Variants in CDK4 observed in about 807,000 individuals in gnomAD.
The protein encoded by CDK4 is cyclin dependent kinase 4, also known as cyclin-dependent kinase 4.
In CDK4, 13 loss-of-function variants were observed where a neutral mutation model predicts 36.7. The observed-to-expected ratio is 0.35, with a 90% CI of 0.23 to 0.56. The LOEUF (loss-of-function observed/expected upper bound fraction) is 0.56. CDK4 is among the 20% of genes least tolerant of loss of function. The probability of loss-of-function intolerance (pLI) is 0.85; values close to 1 mark genes in which losing one functional copy is unlikely to be tolerated. For synonymous variants in CDK4, 158 were observed against 146.4 expected (o/e 1.08, Z -0.57); for missense variants, 285 against 387.3 (o/e 0.74, Z 2.22).
chr12:57,749,994 T>G, intron 5 of CDK4: 1 of 128,314 alleles, frequency 7.8e-6, no homozygotes, highest in Non-Finnish European at 1.6e-5. Context: ...AGACTCCATC[T>G]AAAAAAAAAA....
chr12:57,749,238 G>A lies in CDK4; in HGVS notation c.763C>T (p.Arg255Cys), dbSNP rs587778188. Residue 255 changes from arginine (R) to cysteine (C), a missense_variant, in exon 7 of 8, where the codon CGC (arginine) becomes TGC (cysteine). Arg to Cys is a radical substitution (Grantham distance 180). Transcript: ENST00000257904. ...TCAGGTACCACCGACTGCACTGGGC[G>A]GGGCCCTCTGGGGGGAAAGGCTCCA... ...PRGAFPPRGP[R>C]PVQSVVPEME... 2.2e-5 allele frequency: 35 copies of A among 1,614,022 alleles called. No individual in the cohort carries two copies. The East Asian group carries it at 5.8e-4, about 27-fold the overall frequency.
intron 7 of CDK4, 84 bp from the exon 8 acceptor site, chr12:57,748,701 CT>C (rs749693650): frequency 1.3e-4 from 111 of 827,022 alleles, no homozygotes; most frequent in Non-Finnish European, 2.1e-4. Flanking sequence ...GAGCTTTCTT[CT>C]TTTTTCTTTT....
Position 57,751,268 on chromosome 12 carries a change from T to C in CDK4, c.293A>G (p.Gln98Arg). ...CTTGTCCAGATATGTCCTTAGGTCC[T>C]GGTCTACATGCTCAAACACCAGGGT... Reference protein sequence around the residue: ...KVTLVFEHVDQDLRTYLDKAP... With the variant: ...KVTLVFEHVDRDLRTYLDKAP... The change falls in exon 3 of 8, where the codon CAG (glutamine) becomes CGG (arginine). Residue 98 changes from glutamine to arginine, a missense_variant. Transcript: ENST00000257904. The surrounding 1 kb of genome is among the most constrained non-coding windows in gnomAD (Gnocchi z 4.5). The C allele has an allele frequency of 6.2e-7, 1 of 1,614,214 alleles. No homozygotes were observed. The highest frequency in any genetic ancestry group is 8.5e-7 in the Non-Finnish European group (1 of 1,180,022).
At chr12:57,750,612 G>A (rs777645271) in intron 5 of CDK4, 44 bp downstream of exon 5, 26 of 1,322,222 alleles carry the variant, frequency 2.0e-5, no homozygotes, top group Admixed American at 1.8e-4. Context: ...ATGAACAAGC[G>A]ATTTGGGGAA....
In CDK4 at chr12:57,749,299, T is replaced by C; in HGVS notation, c.702A>G (p.Pro234=). 6.2e-7 allele frequency: 1 copy of C among 1,614,230 alleles called. No individual in the cohort carries two copies. The highest frequency in any genetic ancestry group is 1.3e-5 in the African/African-American group (1 of 75,070). Residue 234 remains proline, a synonymous_variant, in exon 7 of 8, where the codon CCA becomes CCG. Coordinates refer to ENST00000257904, the MANE Select transcript of CDK4 (RefSeq NM_000075.4). ...ATACATCTCGAGGCCAGTCATCCTCTGGAGGCAGCCCAATCAGGCTGTGGG... is the reference window on the plus strand; with the variant it reads ...ATACATCTCGAGGCCAGTCATCCTCCGGAGGCAGCCCAATCAGGCTGTGGG... ...GKIFDLIGLP[P]EDDWPRDVSL...
intron 7 of CDK4, chr12:57,748,926 G>A (rs1268129762): frequency 2.3e-5 from 13 of 567,428 alleles, no homozygotes; most frequent in African/African-American, 3.8e-5. Context: ...GGCTGGTCTC[G>A]AACTCCTGAC....
chr12:57,749,799 C>T (rs919805952), intron 5 of CDK4: 1 of 458,832 alleles, frequency 2.2e-6, no homozygotes, highest in Non-Finnish European at 4.0e-6. Flanking sequence ...GAGATCGAGA[C>T]CATCCTGGCC....
At chr12:57,750,342 G>A (rs1234887081) in intron 5 of CDK4, 1 of 374,074 alleles carries the variant, frequency 2.7e-6, no homozygotes, top group East Asian at 6.1e-5. Flanking sequence ...GGGGTGGGAG[G>A]ATTGCTTGAG....
At chr12:57,750,330 T>C in intron 5 of CDK4, 1 of 353,282 alleles carries the variant, frequency 2.8e-6, no homozygotes, top group South Asian at 2.4e-5. Context: ...CTTTGGGAGG[T>C]AGGGGTGGGA....
Position 57,748,206 on chromosome 12 carries a change from CA to C in CDK4, c.*318del, listed in dbSNP as rs1161024667. ...CAAATCGCACAATGGCAAAGCCAAA[CA>C]GAGGAAGAAACATTAAAAAAAAAAA... On this transcript the variant is annotated 3_prime_UTR_variant, in exon 8 of 8. Transcript: ENST00000257904. 7 of 364,076 alleles carry C rather than the reference CA, an allele frequency of 1.9e-5. No homozygotes were observed. Among genetic ancestry groups the C allele is most frequent in the Non-Finnish European group, 3.5e-5 (7 of 197,866 alleles). 22.6% of individuals were successfully genotyped at this position (364,076 alleles called of 1,614,324 possible).
Position 57,749,467 on chromosome 12 carries a change from C to G in CDK4, c.670G>C (p.Gly224Arg), listed in dbSNP as rs1555201123. Residue 224 changes from glycine (G) to arginine (R), a missense_variant, in exon 6 of 8, where the codon GGC (glycine) becomes CGC (arginine). Physicochemically the swap from Gly to Arg is moderately radical, Grantham distance 125. Transcript: ENST00000257904. ...TTGGTCACTTACTCAAAGATTTTGCCCAACTGGTCGGCTTCAGAGTTTCCA... is the reference window on the plus strand; with the variant it reads ...TTGGTCACTTACTCAAAGATTTTGCGCAACTGGTCGGCTTCAGAGTTTCCA... ...FCGNSEADQLGKIFDLIGLPP... is the reference protein window; with the variant it reads ...FCGNSEADQLRKIFDLIGLPP... 2 of 1,614,140 alleles carry G rather than the reference C, an allele frequency of 1.2e-6. No homozygotes were observed. Among genetic ancestry groups the G allele is most frequent in the Non-Finnish European group, 1.7e-6 (2 of 1,180,004 alleles).
chr12:57,751,366 T>C lies in CDK4; in HGVS notation c.219-24A>G. ...GCCTGACCAGAGTAAATGCTCACTTTTCAATCCCCTTTAACCCAACATGGC... is the reference window on the plus strand; with the variant it reads ...GCCTGACCAGAGTAAATGCTCACTTCTCAATCCCCTTTAACCCAACATGGC... On this transcript the variant is annotated intron_variant, in intron 2 of 7. Transcript: ENST00000257904. The surrounding 1 kb of genome is among the most constrained non-coding windows in gnomAD (Gnocchi z 4.5). The C allele has an allele frequency of 6.2e-7, 1 of 1,614,026 alleles. No homozygotes were observed.
At position 57,751,577 on chromosome 12, in the gene CDK4, T is replaced by G. The variant is rs863224320; in HGVS notation, c.141A>C (p.Gly47=). The part of the protein sequence containing the change: ...VRVPNGGGGG[G]GLPISTVREV... Reference sequence around the variant, plus strand: ...CACGAACTGTGCTGATGGGAAGGCCTCCTCCACCTCCTCCTCCATTGGGGA... The same window carrying G: ...CACGAACTGTGCTGATGGGAAGGCCGCCTCCACCTCCTCCTCCATTGGGGA... The change falls in exon 2 of 8, where the codon GGA becomes GGC. Residue 47 remains glycine (G), a synonymous_variant. Transcript: ENST00000257904. This position sits in a 1 kb window ranked among gnomAD's most constrained non-coding sequence, Gnocchi z 4.5. The G allele has an allele frequency of 5.0e-6, 8 of 1,613,864 alleles. No individual in the cohort carries two copies. Among genetic ancestry groups the G allele is most frequent in the African/African-American group, 1.3e-5 (1 of 74,866 alleles).
In CDK4 at chr12:57,751,375, C is replaced by T; in HGVS notation, c.219-33G>A. 6.2e-7 allele frequency: 1 copy of T among 1,614,004 alleles called. No homozygotes were observed. The highest frequency in any genetic ancestry group is 8.5e-7 in the Non-Finnish European group (1 of 1,179,996). On this transcript the variant is annotated intron_variant, in intron 2 of 7. Coordinates refer to ENST00000257904, the MANE Select transcript of CDK4 (RefSeq NM_000075.4). The surrounding 1 kb of genome is among the most constrained non-coding windows in gnomAD (Gnocchi z 4.5). Reference sequence around the variant, plus strand: ...GAGTAAATGCTCACTTTTCAATCCCCTTTAACCCAACATGGCCTCTCATTA... The same window carrying T: ...GAGTAAATGCTCACTTTTCAATCCCTTTTAACCCAACATGGCCTCTCATTA...
chr12:57,750,635 C>T (rs2140385531), intron 5 of CDK4, 21 bp downstream of exon 5: 1 of 1,501,140 alleles, frequency 6.7e-7, no homozygotes, highest in Admixed American at 1.7e-5. Context: ...CAAGGTAGTC[C>T]AGGGTATGTG....
At position 57,750,922 on chromosome 12, in the gene CDK4, C is replaced by T. The variant is rs1281910320; in HGVS notation, c.522+1G>A. ...CATTTTGGTACCATCTTTCTACTGA[C>T]CACGGGTGTAAGTGCCATCTGGTAG... On this transcript the variant is annotated splice_donor_variant, in intron 4 of 7. Transcript: ENST00000257904. LOFTEE classifies it high-confidence loss of function. 1 of 1,614,094 alleles carries T rather than the reference C, an allele frequency of 6.2e-7. No individual in the cohort carries two copies. The highest frequency in any genetic ancestry group is 1.3e-5 in the African/African-American group (1 of 74,936).
At position 57,751,804 on chromosome 12, in the gene CDK4, A is replaced by G. The variant is rs1595111365; in HGVS notation, c.-19-68T>C. The G allele has an allele frequency of 8.6e-7, 1 of 1,156,216 alleles. No homozygotes were observed. Among genetic ancestry groups the G allele is most frequent in the Non-Finnish European group, 1.3e-6 (1 of 788,324 alleles). 71.6% of individuals were successfully genotyped at this position (1,156,216 alleles called of 1,614,324 possible). ...TAGGATGGTATGAGCCTGCAGCAAC[A>G]AAGGGACTCCCAAAAAAAAAGCGCA... On this transcript the variant is annotated intron_variant, in intron 1 of 7. Coordinates refer to ENST00000257904, the MANE Select transcript of CDK4 (RefSeq NM_000075.4). The surrounding 1 kb of genome is among the most constrained non-coding windows in gnomAD (Gnocchi z 4.5).
rs1282942577 is a variant in CDK4 at position 57,751,196 on chromosome 12, A to C, written c.354+11T>G. The C allele has an allele frequency of 2.5e-6, 4 of 1,613,454 alleles. No homozygotes were observed. Among genetic ancestry groups the C allele is most frequent in the Non-Finnish European group, 3.4e-6 (4 of 1,179,882 alleles). Reference sequence around the variant, plus strand: ...CCAATCCACCTCTCAATGCCTACCAACCCCACTCACCTTGATCGTTTCGGC... The same window carrying C: ...CCAATCCACCTCTCAATGCCTACCACCCCCACTCACCTTGATCGTTTCGGC... On this transcript the variant is annotated intron_variant, in intron 3 of 7. Transcript: ENST00000257904. The surrounding 1 kb of genome is among the most constrained non-coding windows in gnomAD (Gnocchi z 4.5).
rs755091270 is a variant in CDK4 at position 57,749,495 on chromosome 12, G to C, written c.642C>G (p.Phe214Leu). 1 of 1,614,168 alleles carries C rather than the reference G, an allele frequency of 6.2e-7. No individual in the cohort carries two copies. The highest frequency in any genetic ancestry group is 8.5e-7 in the Non-Finnish European group (1 of 1,179,974). ...ACTGGTCGGCTTCAGAGTTTCCACA[G>C]AAGAGAGGCCTAAGGTGAGAAGGGA... ...FAEMFRRKPL[F>L]CGNSEADQLG... is the part of the protein sequence containing the mutation. Residue 214 changes from phenylalanine to leucine, a missense_variant, in exon 6 of 8, where the codon TTC (phenylalanine) becomes TTG (leucine). Physicochemically the swap from Phe to Leu is conservative, Grantham distance 22 (BLOSUM62 0). Transcript: ENST00000257904.
Sources: allele counts gnomAD v4.1 joint callset, GRCh38; gene constraint gnomAD v4.1.1; non-coding constraint Gnocchi (gnomAD v3.1); transcripts MANE v1.5; gene names NCBI Gene and HGNC (gene_info 2026-07-23, HGNC 2026-07-21).